Variants in FAM184B observed in about 807,000 individuals in gnomAD.
The protein encoded by FAM184B is protein FAM184B.
A neutral mutation model predicts 135.9 loss-of-function variants in FAM184B; 111 were observed. That is an observed-to-expected ratio of 0.82 (90% CI 0.70 to 0.96). The LOEUF is 0.96. Among genes scored for constraint, FAM184B ranks in the 40% least tolerant of loss-of-function variants. FAM184B has a pLI of 0.00. For synonymous variants in FAM184B, 552 were observed against 524.8 expected (o/e 1.05, Z -0.71); for missense variants, 1,375 against 1,323.9 (o/e 1.04, Z -0.60).
intron 1 of FAM184B, among the ~76,000 whole-genome samples, chr4:17,775,948 G>A (rs564571330): frequency 1.8e-4 from 28 of 152,178 alleles, no homozygotes; most frequent in African/African-American, 6.3e-4. Flanking sequence ...TCACTACCAC[G>A]TATTGTATCC....
intron 7 of FAM184B, among the ~76,000 whole-genome samples, chr4:17,665,469 G>A (rs374104152): frequency 5.9e-5 from 9 of 152,188 alleles, no homozygotes; most frequent in East Asian, 1.9e-4. Flanking sequence ...TTTGTCTCAC[G>A]AAATAGTGAT....
At chr4:17,725,824 G>A (rs1448413567) in intron 1 of FAM184B, among the ~76,000 whole-genome samples, 2 of 152,124 alleles carry the variant, frequency 1.3e-5, no homozygotes, top group Non-Finnish European at 2.9e-5. Context: ...GGATGGCTTG[G>A]TCAGATCCTT....
At chr4:17,763,125 A>G (rs1446210612) in intron 1 of FAM184B, among the ~76,000 whole-genome samples, 1 of 152,114 alleles carries the variant, frequency 6.6e-6, no homozygotes, top group East Asian at 1.9e-4. Context: ...TTTGCCTGTC[A>G]ACCCCAGCCA....
At chr4:17,680,189 G>A (rs1373639061) in intron 7 of FAM184B, among the ~76,000 whole-genome samples, 1 of 152,148 alleles carries the variant, frequency 6.6e-6, no homozygotes. Context: ...ATTCCACAAT[G>A]TATAGATATT....
chr4:17,670,335 G>C (rs962120039), intron 7 of FAM184B, among the ~76,000 whole-genome samples: 1 of 152,174 alleles, frequency 6.6e-6, no homozygotes, highest in Admixed American at 6.5e-5. Context: ...CTAAAAGCTG[G>C]CTTTTGAAAA....
intron 1 of FAM184B, among the ~76,000 whole-genome samples, chr4:17,734,163 C>A (rs192733051): frequency 5.3e-5 from 8 of 152,144 alleles, no homozygotes; most frequent in Non-Finnish European, 1.0e-4. Flanking sequence ...TTCCTTACAC[C>A]TTATACAAAA....
intron 7 of FAM184B, 61 bp from the exon 8 acceptor site, chr4:17,664,720 C>A: frequency 7.5e-7 from 1 of 1,334,482 alleles, no homozygotes; most frequent in South Asian, 1.3e-5. Context: ...AGTACAGCTT[C>A]ATGATTCAAC....
Position 17,636,510 on chromosome 4 carries a change from G to T in FAM184B, c.2784+18C>A. ...GCCCGGCCAGGTGCGTGGGTGAGGC[G>T]CCCCCTGACAGCCTCACCGTGAGCT... On this transcript the variant is annotated intron_variant, in intron 15 of 17. Coordinates refer to ENST00000265018, the MANE Select transcript of FAM184B (RefSeq NM_015688.2). 6.5e-7 allele frequency: 1 copy of T among 1,535,614 alleles called. No individual in the cohort carries two copies.
intron 1 of FAM184B, among the ~76,000 whole-genome samples, chr4:17,730,862 C>T (rs1398442052): frequency 1.3e-5 from 2 of 152,054 alleles, no homozygotes; most frequent in African/African-American, 4.8e-5. Context: ...GATTGGATAA[C>T]TAGAATAACC....
chr4:17,637,717 A>G (rs1715187693), intron 14 of FAM184B, among the ~76,000 whole-genome samples: 1 of 152,216 alleles, frequency 6.6e-6, no homozygotes, highest in African/African-American at 2.4e-5. Flanking sequence ...GACAGGTGAC[A>G]TTTAAACTGA....
intron 13 of FAM184B, among the ~76,000 whole-genome samples, chr4:17,640,735 T>C (rs1715286278): frequency 6.6e-6 from 1 of 152,142 alleles, no homozygotes; most frequent in African/African-American, 2.4e-5. Context: ...TAATATGAAA[T>C]ATCCTGTGTC....
At chr4:17,660,605 A>G (rs553431944) in intron 8 of FAM184B, among the ~76,000 whole-genome samples, 6 of 152,052 alleles carry the variant, frequency 3.9e-5, no homozygotes, top group Non-Finnish European at 7.4e-5. Context: ...CCACATATGC[A>G]ACATGAACAA....
At chr4:17,685,645 C>T (rs1716565311) in intron 7 of FAM184B, among the ~76,000 whole-genome samples, 1 of 151,052 alleles carries the variant, frequency 6.6e-6, no homozygotes, top group Non-Finnish European at 1.5e-5. Context: ...TGGACTTCTT[C>T]AGGACTTGCT....
Position 17,726,433 on chromosome 4 carries a change from G to A in FAM184B, c.142-16789C>T, listed in dbSNP as rs780560923. 3.8e-4 allele frequency among the ~76,000 whole-genome samples: 58 copies of A among 152,140 alleles called. 1 individual carries two copies. Among genetic ancestry groups the A allele is most frequent in the African/African-American group, 8.7e-4 (36 of 41,512 alleles). On this transcript the variant is annotated intron_variant, in intron 1 of 17. Coordinates refer to ENST00000265018, the MANE Select transcript of FAM184B (RefSeq NM_015688.2). ...GTTGACCAGGCTGGAGTGCCATGGC[G>A]TGATCTCAGCTCACTGCAACCTCTG...
intron 17 of FAM184B, 47 bp downstream of exon 17, chr4:17,633,642 C>G: frequency 1.7e-5 from 24 of 1,398,168 alleles, no homozygotes; most frequent in Non-Finnish European, 2.3e-5. Flanking sequence ...CCCCTCTTAT[C>G]TACAGGGAAA....
chr4:17,669,389 G>A (rs1005910600), intron 7 of FAM184B, among the ~76,000 whole-genome samples: 3 of 152,152 alleles, frequency 2.0e-5, no homozygotes, highest in Admixed American at 6.5e-5. Context: ...GTATAAACCT[G>A]GGGAAATTGC....
chr4:17,655,092 C>G (rs540334041), intron 10 of FAM184B, among the ~76,000 whole-genome samples: 1 of 152,124 alleles, frequency 6.6e-6, no homozygotes, highest in African/African-American at 2.4e-5. Flanking sequence ...GTGATCCTCC[C>G]GCATTGGCCT....
chr4:17,781,270 G>C lies in FAM184B; in HGVS notation c.30C>G (p.Asn10Lys), dbSNP rs1403394659. The stretch of plus-strand genomic sequence containing the variant: ...TGGAGCCCTGGCAAGTGCCGGGCGG[G>C]TTAATTTTGCTGTTGAGAGCAGAAG... MASALNSKI[N>K]PPGTCQGSKA... The change falls in exon 1 of 18, where the codon AAC (asparagine) becomes AAG (lysine). Residue 10 changes from asparagine (N) to lysine (K), a missense_variant. By Grantham distance (94) the Asn-to-Lys change is moderately conservative. Coordinates refer to ENST00000265018, the MANE Select transcript of FAM184B (RefSeq NM_015688.2). This position sits in a 1 kb window ranked among gnomAD's most constrained non-coding sequence, Gnocchi z 6.5. 1 of 1,550,172 alleles carries C rather than the reference G, an allele frequency of 6.5e-7. No individual in the cohort carries two copies. The highest frequency in any genetic ancestry group is 1.4e-5 in the African/African-American group (1 of 73,140).
At position 17,632,589 on chromosome 4, in the gene FAM184B, GACT is replaced by G. The variant is rs945086910; in HGVS notation, c.3123_3125del (p.Glu1041_Val1042delinsAsp). The G allele has an allele frequency of 1.9e-6, 3 of 1,551,330 alleles. No individual in the cohort carries two copies. The highest frequency in any genetic ancestry group is 2.6e-6 in the Non-Finnish European group (3 of 1,146,788). On this transcript the variant is annotated inframe_deletion, in exon 18 of 18. Transcript: ENST00000265018. ...GGTGCGGAGAGCCCTGTTTCTGCTG[GACT>G]TCTTTGGCTTGGGCCGTTTCACCAT...
Sources: gnomAD v4.1 joint callset for allele counts (sites outside exome capture counted in the v4.1 genomes callset) on GRCh38, gnomAD v4.1.1 for gene constraint, Gnocchi (gnomAD v3.1) non-coding constraint, MANE v1.5 for transcripts, NCBI Gene and HGNC (gene_info 2026-07-23, HGNC 2026-07-21) for gene names.